The following RAF1 variants were observed in gnomAD, a reference collection of about 807,000 sequenced individuals.
The protein encoded by RAF1 is RAF proto-oncogene serine/threonine-protein kinase.
Under a neutral mutation model 81.1 loss-of-function variants are expected in RAF1, and 27 were observed. The ratio of observed to expected loss-of-function variants is 0.33; its 90% CI spans 0.25 to 0.46. The LOEUF is 0.46. Among genes scored for constraint, RAF1 ranks in the 20% least tolerant of loss-of-function variants. The pLI, the probability that RAF1 is intolerant of heterozygous loss-of-function variation, is 1.00. For synonymous variants in RAF1, 298 were observed against 294.0 expected (o/e 1.01, Z -0.14); for missense variants, 598 against 826.0 (o/e 0.72, Z 3.38).
chr3:12,650,539 G>A (rs2060490288), intron 1 of RAF1, among the ~76,000 whole-genome samples: 1 of 151,956 alleles, frequency 6.6e-6, no homozygotes, highest in African/African-American at 2.4e-5. Context: ...TAAATCTAAA[G>A]AACCAGAATG....
At chr3:12,634,249 C>T (rs1482797267) in intron 1 of RAF1, among the ~76,000 whole-genome samples, 6 of 151,216 alleles carry the variant, frequency 4.0e-5, no homozygotes, top group African/African-American at 7.3e-5. Flanking sequence ...CAGGTTCAAG[C>T]GATTCTCCTG....
chr3:12,597,178 G>A (rs553684342), intron 11 of RAF1, among the ~76,000 whole-genome samples: 2 of 152,092 alleles, frequency 1.3e-5, no homozygotes, highest in Admixed American at 6.6e-5. Context: ...GATTACAGGC[G>A]TGAGCCACCG....
At chr3:12,609,559 A>G (rs1247541557) in intron 3 of RAF1, among the ~76,000 whole-genome samples, 1 of 152,226 alleles carries the variant, frequency 6.6e-6, no homozygotes, top group Admixed American at 6.5e-5. Context: ...AAGGCCACAC[A>G]GCAAGTTTAA....
chr3:12,585,538 A>G, intron 15 of RAF1, 143 bp downstream of exon 14: 1 of 1,383,466 alleles, frequency 7.2e-7, no homozygotes, highest in Non-Finnish European at 1.0e-6. Flanking sequence ...AAGAAAATCT[A>G]CAATTGCCCT....
chr3:12,651,063 T>C (rs1203565240), intron 1 of RAF1, among the ~76,000 whole-genome samples: 2 of 152,208 alleles, frequency 1.3e-5, no homozygotes, highest in Non-Finnish European at 2.9e-5. Flanking sequence ...ATAACTTTGT[T>C]TCCTTTTATT....
Position 12,620,851 on chromosome 3 carries a change from T to C in RAF1, c.-26-2104A>G, listed in dbSNP as rs1434149755. 2.6e-5 allele frequency among the ~76,000 whole-genome samples: 4 copies of C among 152,096 alleles called. No individual in the cohort carries two copies. In the South Asian group the frequency reaches 8.3e-4, roughly 31 times the overall value. On this transcript the variant is annotated intron_variant, in intron 1 of 17. Transcript: ENST00000442415. ...GTGGGTAAAATAACCAGATTCTTTA[T>C]CTGTTTAAATTTAAAGTCCATGAAT...
intron 1 of RAF1, among the ~76,000 whole-genome samples, chr3:12,638,053 T>C (rs150537292): frequency 1.3e-3 from 196 of 152,280 alleles, no homozygotes; most frequent in Non-Finnish European, 2.5e-3. Context: ...TTCTTCTCTT[T>C]ACTCAGCTTT....
At chr3:12,615,490 A>G (rs1267888454) in intron 2 of RAF1, among the ~76,000 whole-genome samples, 1 of 152,194 alleles carries the variant, frequency 6.6e-6, no homozygotes, top group Non-Finnish European at 1.5e-5. Flanking sequence ...GAAGTAAAGC[A>G]ACCTGGGGAG....
chr3:12,584,805 C>A, intron 17 of RAF1, 42 bp downstream of exon 16: 1 of 1,613,914 alleles, frequency 6.2e-7, no homozygotes, highest in South Asian at 1.1e-5. Context: ...CTTTACGAAC[C>A]AACCCATGCT....
At chr3:12,628,879 G>A (rs575848415) in intron 1 of RAF1, among the ~76,000 whole-genome samples, 1 of 152,000 alleles carries the variant, frequency 6.6e-6, no homozygotes, top group African/African-American at 2.4e-5. Context: ...AGCCTCCTAG[G>A]TAGCTAGGAC....
intron 11 of RAF1, among the ~76,000 whole-genome samples, chr3:12,596,740 A>G (rs1370990161): frequency 2.6e-5 from 4 of 152,194 alleles, no homozygotes; most frequent in Non-Finnish European, 4.4e-5. Context: ...AATATGGCGG[A>G]AAAAAGTATT....
intron 3 of RAF1, among the ~76,000 whole-genome samples, chr3:12,611,098 T>C (rs542036771): frequency 1.3e-5 from 2 of 152,290 alleles, no homozygotes; most frequent in East Asian, 1.9e-4. Flanking sequence ...CCAGTCTATA[T>C]AATGCATTAG....
chr3:12,639,603 G>A (rs1332728748), intron 1 of RAF1, among the ~76,000 whole-genome samples: 1 of 152,112 alleles, frequency 6.6e-6, no homozygotes, highest in Non-Finnish European at 1.5e-5. Flanking sequence ...GCCAAATCAT[G>A]AGTGAACTCT....
chr3:12,606,660 T>G (rs1241681898), intron 5 of RAF1, among the ~76,000 whole-genome samples: 1 of 151,996 alleles, frequency 6.6e-6, no homozygotes, highest in African/African-American at 2.4e-5. Context: ...GCCTCCCAAG[T>G]AGCTGGGATT....
chr3:12,585,929 C>T, intron 14 of RAF1, 130 bp from the exon 14 acceptor site: 2 of 753,728 alleles, frequency 2.7e-6, no homozygotes, highest in South Asian at 1.4e-5. Flanking sequence ...ACTGAACTTC[C>T]TAAGGTTTCT....
At chr3:12,622,504 G>T (rs574874200) in intron 1 of RAF1, among the ~76,000 whole-genome samples, 1 of 152,274 alleles carries the variant, frequency 6.6e-6, no homozygotes, top group South Asian at 2.1e-4. Context: ...CCAAAAACAG[G>T]CAAGCTGGTT....
At chr3:12,600,482 A>G in intron 8 of RAF1, 67 bp from the exon 8 acceptor site, 1 of 1,553,370 alleles carries the variant, frequency 6.4e-7, no homozygotes, top group African/African-American at 1.4e-5. Context: ...GAGGGAAAAA[A>G]GAGGAGGAGG....
chr3:12,639,665 G>C (rs1338914493), intron 1 of RAF1, among the ~76,000 whole-genome samples: 2 of 152,092 alleles, frequency 1.3e-5, no homozygotes, highest in Non-Finnish European at 2.9e-5. Context: ...CGACTTACAA[G>C]GGATGTGAAG....
At position 12,658,840 on chromosome 3, in the gene RAF1, C is replaced by T. The variant is rs1347224675; in HGVS notation, c.-27+4973G>A. Among the ~76,000 whole-genome samples, 4 of 152,100 alleles carry T rather than the reference C, an allele frequency of 2.6e-5. No homozygotes were observed. The East Asian group carries it at 7.7e-4, about 29-fold the overall frequency. ...CTGATTGGAATGTGATGCCAATTAA[C>T]ATACTTTGTGAGTAATTTGCCAAAC... On this transcript the variant is annotated intron_variant, in intron 1 of 17. Transcript: ENST00000442415.
Sources: gnomAD v4.1 joint callset for allele counts (sites outside exome capture counted in the v4.1 genomes callset) on GRCh38, gnomAD v4.1.1 for gene constraint, MANE v1.5 for transcripts, NCBI Gene and HGNC (gene_info 2026-07-23, HGNC 2026-07-21) for gene names.